ROBO2: variants seen among roughly 807,000 people sequenced by gnomAD.
ROBO2 encodes roundabout homolog 2.
ROBO2 carries 53 observed loss-of-function variants against 160.8 expected under a neutral mutation model. The observed-to-expected ratio is 0.33, with a 90% CI of 0.26 to 0.41. The LOEUF is 0.41. ROBO2 is among the 10% of genes least tolerant of loss of function. The probability of loss-of-function intolerance (pLI) is 1.00; values close to 1 mark genes in which losing one functional copy is unlikely to be tolerated. For synonymous variants in ROBO2, 664 were observed against 611.7 expected, an observed-to-expected ratio of 1.09 and a Z score of -1.26; for missense variants, 1,577 against 1,722.4, an observed-to-expected ratio of 0.92 and a Z score of 1.49.
At chr3:77,186,710 T>C (rs916382013) in intron 2 of ROBO2, among the ~76,000 whole-genome samples, 2 of 142,294 alleles carry the variant, frequency 1.4e-5, no homozygotes, top group Admixed American at 1.4e-4. Context: ...AAAACTGAGA[T>C]TTTTTTTTGA....
chr3:76,600,261 T>A (rs1224520647), intron 2 of ROBO2, among the ~76,000 whole-genome samples: 1 of 152,212 alleles, frequency 6.6e-6, no homozygotes, highest in Non-Finnish European at 1.5e-5. Context: ...CTTCTGCATA[T>A]GGCTAGCCAG....
chr3:77,621,296 C>T (rs1325330151), intron 22 of ROBO2, among the ~76,000 whole-genome samples: 1 of 152,032 alleles, frequency 6.6e-6, no homozygotes, highest in Non-Finnish European at 1.5e-5. Context: ...CATGGTGAAG[C>T]ACACCTGTAA....
chr3:76,496,623 G>C (rs1379542552), intron 2 of ROBO2, among the ~76,000 whole-genome samples: 1 of 152,066 alleles, frequency 6.6e-6, no homozygotes, highest in African/African-American at 2.4e-5. Context: ...AACATGCTCC[G>C]AGCTGAAATC....
intron 2 of ROBO2, among the ~76,000 whole-genome samples, chr3:77,322,014 G>C (rs2064762154): frequency 1.3e-5 from 2 of 152,188 alleles, no homozygotes; most frequent in South Asian, 4.1e-4. Context: ...TTCAAGTATG[G>C]AAGGCTTAAA....
intron 2 of ROBO2, among the ~76,000 whole-genome samples, chr3:77,405,890 C>A (rs1031579984): frequency 6.6e-6 from 1 of 152,064 alleles, no homozygotes; most frequent in East Asian, 1.9e-4. Flanking sequence ...GTTTGCTGAT[C>A]CCTGTATGTC....
chr3:76,707,591 T>C (rs2093193636), intron 2 of ROBO2, among the ~76,000 whole-genome samples: 1 of 151,760 alleles, frequency 6.6e-6, no homozygotes, highest in African/African-American at 2.4e-5. Flanking sequence ...CTACGAGAGA[T>C]CTTCACACAC....
At chr3:77,608,085 C>A in intron 21 of ROBO2, 131 bp downstream of exon 22, 1 of 804,350 alleles carries the variant, frequency 1.2e-6, no homozygotes, top group Non-Finnish European at 2.1e-6. Context: ...GCATTTCCCC[C>A]TCTTTCATTG....
At chr3:76,582,807 AG>A (rs1470959290) in intron 2 of ROBO2, among the ~76,000 whole-genome samples, 1 of 152,138 alleles carries the variant, frequency 6.6e-6, no homozygotes, top group East Asian at 1.9e-4. Context: ...AATCTCATTA[AG>A]CCACTTCAGA....
At chr3:76,442,273 A>C (rs939164767) in intron 2 of ROBO2, among the ~76,000 whole-genome samples, 1 of 152,158 alleles carries the variant, frequency 6.6e-6, no homozygotes, top group South Asian at 2.1e-4. Context: ...TGCGTCAAAA[A>C]CTGCCCCAGC....
intron 2 of ROBO2, among the ~76,000 whole-genome samples, chr3:77,439,400 T>C (rs1031409810): frequency 9.2e-5 from 14 of 152,238 alleles, no homozygotes; most frequent in Non-Finnish European, 2.1e-4. Context: ...GATTTTTCCA[T>C]TGCAGTGTAT....
At chr3:76,357,907 T>C (rs2075273598) in intron 2 of ROBO2, among the ~76,000 whole-genome samples, 1 of 150,080 alleles carries the variant, frequency 6.7e-6, no homozygotes, top group Admixed American at 6.7e-5. Context: ...TATATATATA[T>C]ATAAATTTTA....
At chr3:76,331,703 T>C (rs1559777277) in intron 2 of ROBO2, among the ~76,000 whole-genome samples, 1 of 151,926 alleles carries the variant, frequency 6.6e-6, no homozygotes, top group East Asian at 1.9e-4. Flanking sequence ...TTTTTTTTTT[T>C]TTCGAGACGT....
intron 2 of ROBO2, among the ~76,000 whole-genome samples, chr3:77,377,254 A>G (rs2072814734): frequency 6.6e-6 from 1 of 152,214 alleles, no homozygotes; most frequent in Non-Finnish European, 1.5e-5. Context: ...AGCAATAAAA[A>G]TTATCTTGTT....
chr3:76,660,780 T>C (rs1483317360), intron 2 of ROBO2, among the ~76,000 whole-genome samples: 1 of 152,186 alleles, frequency 6.6e-6, no homozygotes, highest in Non-Finnish European at 1.5e-5. Flanking sequence ...GTTAATTTAT[T>C]TATGTACATC....
chr3:76,257,716 C>T (rs576552513), intron 2 of ROBO2, among the ~76,000 whole-genome samples: 1 of 150,044 alleles, frequency 6.7e-6, no homozygotes, highest in South Asian at 2.1e-4. Flanking sequence ...TCTCTCACTG[C>T]ATACAGTTAT....
chr3:76,925,872 A>C (rs1043943587), intron 2 of ROBO2, among the ~76,000 whole-genome samples: 1 of 152,208 alleles, frequency 6.6e-6, no homozygotes, highest in Non-Finnish European at 1.5e-5. Context: ...CCTATGGATA[A>C]AGCCAGTTCA....
chr3:77,313,340 C>T (rs889610904), intron 2 of ROBO2, among the ~76,000 whole-genome samples: 2 of 152,082 alleles, frequency 1.3e-5, no homozygotes, highest in Admixed American at 6.5e-5. Flanking sequence ...GCATATCTAT[C>T]ATTTCAAACA....
intron 2 of ROBO2, among the ~76,000 whole-genome samples, chr3:76,910,262 A>G (rs1286034982): frequency 6.6e-6 from 1 of 152,202 alleles, no homozygotes; most frequent in Non-Finnish European, 1.5e-5. Flanking sequence ...AAAAACTTTT[A>G]CTGAATATAA....
At chr3:77,019,225 C>T (rs2062472654) in intron 2 of ROBO2, among the ~76,000 whole-genome samples, 2 of 152,256 alleles carry the variant, frequency 1.3e-5, no homozygotes, top group Non-Finnish European at 1.5e-5. Flanking sequence ...CCAAATTCAA[C>T]AAACAGGCAG....
Sources: gnomAD v4.1 joint callset for allele counts (sites outside exome capture counted in the v4.1 genomes callset) on GRCh38, gnomAD v4.1.1 for gene constraint, MANE v1.5 for transcripts, NCBI Gene and HGNC (gene_info 2026-07-23, HGNC 2026-07-21) for gene names.